DIAPH2: variants seen among roughly 807,000 people sequenced by gnomAD.
DIAPH2 encodes the protein diaphanous related formin 2.
In DIAPH2, 35 loss-of-function variants were observed where a neutral mutation model predicts 92.7. The ratio of observed to expected loss-of-function variants is 0.38; its 90% CI spans 0.29 to 0.50. The LOEUF (loss-of-function observed/expected upper bound fraction) is 0.50, where lower values mean the gene tolerates loss of function less well. Ranked by LOEUF, DIAPH2 falls within the 20% of genes least tolerant of loss-of-function variation. DIAPH2 has a pLI of 0.94. For missense variants in DIAPH2, 701 were observed against 819.5 expected (o/e 0.86, Z 1.77); for synonymous variants, 301 against 280.4 (o/e 1.07, Z -0.73).
rs232371 is a variant in DIAPH2 at position 96,991,969 on chromosome X, A to G, written c.2050+26762A>G. On this transcript the variant is annotated intron_variant, in intron 17 of 26. Transcript: ENST00000324765. ...CTAGCATGCATTGATGAAGTAATCAAAATCTTGATCTCTAATATCTTTTCA... is the reference window on the plus strand; with the variant it reads ...CTAGCATGCATTGATGAAGTAATCAGAATCTTGATCTCTAATATCTTTTCA... Among the ~76,000 whole-genome samples, 902 of 110,633 alleles carry G rather than the reference A, an allele frequency of 8.2e-3. 6 individuals carry two copies. The highest frequency in any genetic ancestry group is 0.027 in the African/African-American group (833 of 30,434).
rs147414919 is a variant in DIAPH2, at chrX:97,367,472, C to T, written c.3010-16437C>T. ...TTGTAAAGCAGAATATCTCTGGTTC[C>T]GACCTGTATCCCATTCAAACATGAT... On this transcript the variant is annotated intron_variant, in intron 24 of 26. Transcript: ENST00000324765. Among the ~76,000 whole-genome samples the T allele has an allele frequency of 9.9e-3, 1,100 of 111,414 alleles. 15 individuals carry two copies. The highest frequency in any genetic ancestry group is 0.034 in the African/African-American group (1,032 of 30,627).
chrX:96,918,754 G>T (rs1471391658), intron 9 of DIAPH2, 137 bp downstream of exon 9: 1 of 427,919 alleles, frequency 2.3e-6, no homozygotes, highest in Non-Finnish European at 4.0e-6. Context: ...TAGTTTGTGA[G>T]AATTGCAATT....
chrX:97,159,787 G>A (rs1281364870), intron 22 of DIAPH2, among the ~76,000 whole-genome samples: 1 of 111,108 alleles, frequency 9.0e-6, no homozygotes, highest in African/African-American at 3.3e-5. Flanking sequence ...TAGTAAAAAC[G>A]GAAAAATTAA....
At chrX:96,735,868 G>T (rs1003032136) in intron 2 of DIAPH2, 78 bp downstream of exon 2, 6 of 539,499 alleles carry the variant, frequency 1.1e-5, no homozygotes, top group Non-Finnish European at 1.8e-5. Flanking sequence ...TAAAAGCATT[G>T]ATATATGTAA....
chrX:96,931,706 G>A, intron 10 of DIAPH2, among the ~76,000 whole-genome samples: 1 of 111,235 alleles, frequency 9.0e-6, no homozygotes, highest in East Asian at 2.8e-4. Flanking sequence ...TACCCAAATT[G>A]GGGACATTTC....
chrX:96,934,353 C>T (rs1245362628), intron 10 of DIAPH2, among the ~76,000 whole-genome samples: 1 of 111,291 alleles, frequency 9.0e-6, no homozygotes, highest in Non-Finnish European at 1.9e-5. Flanking sequence ...ATATCCAGTT[C>T]TAACAAGAAT....
chrX:97,071,485 C>T (rs1037525695), intron 17 of DIAPH2, among the ~76,000 whole-genome samples: 5 of 111,296 alleles, frequency 4.5e-5, no homozygotes, highest in Non-Finnish European at 7.5e-5. Context: ...CTCATAAGAT[C>T]ATAATTTCTA....
At chrX:97,440,637 T>C (rs940638634) in intron 26 of DIAPH2, among the ~76,000 whole-genome samples, 28 of 105,817 alleles carry the variant, frequency 2.6e-4, no homozygotes, top group African/African-American at 9.6e-4. Context: ...TGTGAAGGTA[T>C]TGATTATGGA....
rs146138786 is a variant in DIAPH2, at chrX:97,166,029, G to A, written c.2719+24235G>A. Among the ~76,000 whole-genome samples the A allele has an allele frequency of 7.9e-3, 870 of 109,604 alleles. 8 individuals are homozygous for A. Among genetic ancestry groups the A allele is most frequent in the Non-Finnish European group, 0.011 (575 of 52,724 alleles). On this transcript the variant is annotated intron_variant, in intron 22 of 26. Transcript: ENST00000324765. ...CTTAAGAGAGATGTTAATACTGTGC[G>A]TTCATTGAGAATAACCAAATGGATG...
In DIAPH2 at chrX:97,013,869, A is replaced by G. The variant is rs1223983870; in HGVS notation, c.2050+48662A>G. ...GCAACCAAGAAGTAAGATAACTAAA[A>G]CTTAGAAACTATTAATAGCTATGGA... On this transcript the variant is annotated intron_variant, in intron 17 of 26. Transcript: ENST00000324765. Among the ~76,000 whole-genome samples the G allele has an allele frequency of 8.9e-5, 10 of 111,809 alleles. No homozygotes were observed. The Admixed American group carries it at 9.5e-4, about 11-fold the overall frequency.
intron 4 of DIAPH2, among the ~76,000 whole-genome samples, chrX:96,830,570 CAAAAAAAAA>C (rs776270215): frequency 2.2e-4 from 3 of 13,441 alleles, no homozygotes; most frequent in African/African-American, 1.1e-3. Context: ...GACTCAGTCT[CAAAAAAAAA>C]AAAAAAAAAA....
intron 22 of DIAPH2, among the ~76,000 whole-genome samples, chrX:97,203,246 T>A (rs1231437079): frequency 9.0e-6 from 1 of 110,527 alleles, no homozygotes; most frequent in African/African-American, 3.3e-5. Flanking sequence ...AACCCTAACA[T>A]CACAATTAAA....
At chrX:96,959,480 T>G (rs1163391375) in intron 16 of DIAPH2, among the ~76,000 whole-genome samples, 1 of 112,086 alleles carries the variant, frequency 8.9e-6, no homozygotes, top group Non-Finnish European at 1.9e-5. Flanking sequence ...GATTATTTGT[T>G]TTGTTGCTAT....
intron 23 of DIAPH2, among the ~76,000 whole-genome samples, chrX:97,323,209 G>A (rs1257314457): frequency 1.9e-5 from 2 of 105,930 alleles, no homozygotes; most frequent in Non-Finnish European, 3.9e-5. Flanking sequence ...CCCAGCCCCT[G>A]AGCTTACTTT....
chrX:97,220,553 C>A (rs967321066), intron 22 of DIAPH2, among the ~76,000 whole-genome samples: 1 of 111,213 alleles, frequency 9.0e-6, no homozygotes, highest in African/African-American at 3.3e-5. Flanking sequence ...CAGGGTGGGG[C>A]CAGAGGGGCC....
chrX:97,489,406 TC>T (rs2070710238), intron 26 of DIAPH2, among the ~76,000 whole-genome samples: 1 of 111,188 alleles, frequency 9.0e-6, no homozygotes, highest in African/African-American at 3.3e-5. Context: ...TTTTTTTTCC[TC>T]CCAATTTTAA....
At chrX:97,185,331 A>ATATATATGTG (rs2067574960) in intron 22 of DIAPH2, among the ~76,000 whole-genome samples, 1 of 44,806 alleles carries the variant, frequency 2.2e-5, no homozygotes, top group Non-Finnish European at 3.5e-5. Flanking sequence ...ATATGTGTAT[A>ATATATATGTG]TATATATATG....
chrX:97,224,616 C>A (rs1027425171), intron 22 of DIAPH2, among the ~76,000 whole-genome samples: 4 of 111,894 alleles, frequency 3.6e-5, no homozygotes, highest in Non-Finnish European at 7.5e-5. Flanking sequence ...AGTTTATCAA[C>A]ATATTTTTGA....
At chrX:97,301,150 CAAAAAAA>C (rs1220185711) in intron 23 of DIAPH2, among the ~76,000 whole-genome samples, 31 of 32,264 alleles carry the variant, frequency 9.6e-4, no homozygotes, top group Non-Finnish European at 1.5e-3. Context: ...GACTCCGTCT[CAAAAAAA>C]AAAAAAAAAA....
Sources: gnomAD v4.1 joint callset for allele counts (sites outside exome capture counted in the v4.1 genomes callset) on GRCh38, gnomAD v4.1.1 for gene constraint, MANE v1.5 for transcripts, NCBI Gene and HGNC (gene_info 2026-07-23, HGNC 2026-07-21) for gene names.